The following SGPL1 variants were observed in gnomAD, a reference collection of about 807,000 sequenced individuals.
SGPL1 encodes the protein sphingosine-1-phosphate lyase 1.
A neutral mutation model predicts 68.9 loss-of-function variants in SGPL1; 37 were observed. That is an observed-to-expected ratio of 0.54 (90% CI 0.41 to 0.71). The LOEUF (loss-of-function observed/expected upper bound fraction) is 0.71. Ranked by LOEUF, SGPL1 falls within the 30% of genes least tolerant of loss-of-function variation. SGPL1 has a pLI of 0.00. For synonymous variants in SGPL1, 236 were observed against 248.5 expected (o/e 0.95, Z 0.47); for missense variants, 551 against 704.6 (o/e 0.78, Z 2.47).
At chr10:70,820,510 C>T (rs970582370) in intron 2 of SGPL1, 2 of 152,116 alleles carry the variant, frequency 1.3e-5, no homozygotes, top group Admixed American at 6.6e-5. Flanking sequence ...CGTGGTGGCT[C>T]ATGCCTGTAA....
intron 2 of SGPL1, among the ~76,000 whole-genome samples, chr10:70,821,589 AC>A (rs1845338959): frequency 6.6e-6 from 1 of 152,110 alleles, no homozygotes; most frequent in Admixed American, 6.5e-5. Context: ...TTGGGTTGTT[AC>A]ACCTGAAGGG....
At chr10:70,828,433 T>C (rs968296337) in intron 2 of SGPL1, among the ~76,000 whole-genome samples, 4 of 152,336 alleles carry the variant, frequency 2.6e-5, no homozygotes, top group African/African-American at 4.8e-5. Flanking sequence ...ACCATCCTCA[T>C]TGAGAAGCCT....
chr10:70,851,718 G>GAAAT (rs1845885177), intron 4 of SGPL1, among the ~76,000 whole-genome samples: 1 of 152,126 alleles, frequency 6.6e-6, no homozygotes, highest in Non-Finnish European at 1.5e-5. Context: ...TTCTATAAAG[G>GAAAT]GCTAGATATG....
At chr10:70,862,711 A>G (rs1846097170) in intron 7 of SGPL1, among the ~76,000 whole-genome samples, 1 of 152,098 alleles carries the variant, frequency 6.6e-6, no homozygotes, top group Non-Finnish European at 1.5e-5. Context: ...TGTAACACTC[A>G]CTGTGAAGGT....
rs827255 is a variant in SGPL1, at chr10:70,859,448, C to T, written c.564C>T (p.Ile188=). The T allele has an allele frequency of 1, 1,566,624 of 1,570,532 alleles. 781,450 individuals are homozygous for T. Among genetic ancestry groups the T allele is most frequent in the East Asian group, 1 (41,858 of 41,858 alleles). The part of the protein sequence containing the change: ...FPGLRKIEAE[I]VRIACSLFNG... Reference sequence around the variant, plus strand: ...GACTACGCAAGATAGAGGCAGAAATCGTGAGGATAGCTTGTTCCCTGTTCA... The same window carrying T: ...GACTACGCAAGATAGAGGCAGAAATTGTGAGGATAGCTTGTTCCCTGTTCA... The change falls in exon 7 of 15, where the codon ATC becomes ATT. Residue 188 remains isoleucine, a synonymous_variant. Coordinates refer to ENST00000373202, the MANE Select transcript of SGPL1 (RefSeq NM_003901.4).
chr10:70,838,145 G>T lies in SGPL1; in HGVS notation c.28-6328G>T, dbSNP rs78495169. Among the ~76,000 whole-genome samples, 720 of 152,298 alleles carry T rather than the reference G, an allele frequency of 4.7e-3. 1 individual carries two copies. Among genetic ancestry groups the T allele is most frequent in the Non-Finnish European group, 7.4e-3 (505 of 68,024 alleles). ...TAGCCCTGTTGAGTAATGGAGAAAG[G>T]ATTGTATTAGTTCCAAGGAAAGATG... On this transcript the variant is annotated intron_variant, in intron 2 of 14. Transcript: ENST00000373202.
At position 70,868,252 on chromosome 10, in the gene SGPL1, T is replaced by C. The variant is rs1350546699; in HGVS notation, c.616-93T>C. 7 of 904,830 alleles carry C rather than the reference T, an allele frequency of 7.7e-6. No individual in the cohort carries two copies. In the Admixed American group the frequency reaches 9.6e-5, roughly 12 times the overall value. The allele number at this position is 904,830 out of a possible 1,614,324, so 56.1% of individuals were successfully genotyped here. A position where few individuals can be genotyped will look rare whatever the true frequency, so the allele number is the denominator to read the frequency against. On this transcript the variant is annotated intron_variant, in intron 7 of 14. Transcript: ENST00000373202. ...CTTGCAGCATGCATCCAAGACCTTA[T>C]CTGTTTCTGTATCAAACATTGTCAA...
intron 3 of SGPL1, among the ~76,000 whole-genome samples, chr10:70,847,028 A>T (rs1289085999): frequency 2.2e-4 from 33 of 152,194 alleles, no homozygotes. Context: ...AAAAAGGAAT[A>T]TGCTGGCCTC....
chr10:70,857,809 A>G (rs1845990744), intron 6 of SGPL1, 119 bp downstream of exon 6: 1 of 577,238 alleles, frequency 1.7e-6, no homozygotes, highest in African/African-American at 1.9e-5. Context: ...TGGTACAATA[A>G]AACCATAAAA....
At position 70,816,515 on chromosome 10, in the gene SGPL1, G is replaced by C. The variant is rs114836844; in HGVS notation, c.-43-296G>C. Among the ~76,000 whole-genome samples, 440 of 152,322 alleles carry C rather than the reference G, an allele frequency of 2.9e-3. 1 individual carries two copies. The highest frequency in any genetic ancestry group is 0.01 in the African/African-American group (429 of 41,586). On this transcript the variant is annotated intron_variant, in intron 1 of 14. Transcript: ENST00000373202. ...GCCCGGGTTAGGTGGCCTGGGCTGG[G>C]CTCCCCACCCCGATCGCGCGCAGAC...
At chr10:70,830,476 CA>C (rs1845515724) in intron 2 of SGPL1, among the ~76,000 whole-genome samples, 1 of 152,144 alleles carries the variant, frequency 6.6e-6, no homozygotes, top group South Asian at 2.1e-4. Flanking sequence ...AAGGTTCATC[CA>C]TGTTGTAGCA....
At chr10:70,817,442 A>C (rs1462775821) in intron 2 of SGPL1, among the ~76,000 whole-genome samples, 1 of 152,222 alleles carries the variant, frequency 6.6e-6, no homozygotes, top group African/African-American at 2.4e-5. Context: ...TATTTTTTTT[A>C]AATGAGACAA....
chr10:70,854,671 T>C (rs537690972), intron 4 of SGPL1, 37 bp from the exon 5 acceptor site: 1 of 1,586,068 alleles, frequency 6.3e-7, no homozygotes, highest in South Asian at 1.2e-5. Context: ...TACTGTACTC[T>C]TGCATCTGGA....
chr10:70,845,284 A>C (rs569184418), intron 3 of SGPL1, among the ~76,000 whole-genome samples: 9 of 152,246 alleles, frequency 5.9e-5, no homozygotes, highest in Admixed American at 5.9e-4. Flanking sequence ...GAGTTCCCAG[A>C]GCAGGAATTT....
chr10:70,872,089 T>C (rs1329985612), intron 11 of SGPL1, 103 bp downstream of exon 11: 2 of 1,155,494 alleles, frequency 1.7e-6, no homozygotes, highest in Non-Finnish European at 2.4e-6. Context: ...AACTATAGAA[T>C]TCTCATCAGA....
In SGPL1 at chr10:70,839,067, G is replaced by C. The variant is rs115566221; in HGVS notation, c.28-5406G>C. On this transcript the variant is annotated intron_variant, in intron 2 of 14. Coordinates refer to ENST00000373202, the MANE Select transcript of SGPL1 (RefSeq NM_003901.4). ...GCTGAAAGAGTTTTATGTCATTGGG[G>C]CGAGTGGGCTACCAAGCTCCCATAA... 8.9e-3 allele frequency among the ~76,000 whole-genome samples: 1,356 copies of C among 152,290 alleles called. 32 individuals carry two copies. Among genetic ancestry groups the C allele is most frequent in the African/African-American group, 0.031 (1,288 of 41,562 alleles).
chr10:70,838,011 C>T (rs752533260), intron 2 of SGPL1, among the ~76,000 whole-genome samples: 1 of 152,164 alleles, frequency 6.6e-6, no homozygotes, highest in Non-Finnish European at 1.5e-5. Flanking sequence ...AGGGCAGAAC[C>T]CTCCTGATCT....
At chr10:70,823,563 G>GA (rs139852875) in intron 2 of SGPL1, among the ~76,000 whole-genome samples, 5 of 83,436 alleles carry the variant, frequency 6.0e-5, no homozygotes, top group East Asian at 7.3e-4. Flanking sequence ...ACTTTATATT[G>GA]AAAAAAAAAA....
At chr10:70,870,444 G>A (rs1037606995) in intron 9 of SGPL1, among the ~76,000 whole-genome samples, 1 of 151,606 alleles carries the variant, frequency 6.6e-6, no homozygotes, top group African/African-American at 2.4e-5. Context: ...GGAGGTTGAT[G>A]CTGCAGTGAG....
Sources: gnomAD v4.1 joint callset for allele counts (sites outside exome capture counted in the v4.1 genomes callset) on GRCh38, gnomAD v4.1.1 for gene constraint, MANE v1.5 for transcripts, NCBI Gene and HGNC (gene_info 2026-07-23, HGNC 2026-07-21) for gene names.